LRP1B: variants seen among roughly 807,000 people sequenced by gnomAD.
LRP1B encodes the protein LDL receptor related protein 1B, also known as low-density lipoprotein receptor-related protein 1B.
LRP1B carries 217 observed loss-of-function variants against 556.6 expected under a neutral mutation model. The ratio of observed to expected loss-of-function variants is 0.39; its 90% CI spans 0.35 to 0.44. LRP1B has a LOEUF of 0.44. Among genes scored for constraint, LRP1B ranks in the 20% least tolerant of loss-of-function variants. LRP1B has a pLI of 1.00. For missense variants in LRP1B, 5,053 were observed against 5,620.8 expected, an observed-to-expected ratio of 0.90 and a Z score of 3.23; for synonymous variants, 2,047 against 1,865.8, an observed-to-expected ratio of 1.10 and a Z score of -2.50.
chr2:141,889,891 G>A (rs1454734962), intron 1 of LRP1B, among the ~76,000 whole-genome samples: 2 of 152,006 alleles, frequency 1.3e-5, no homozygotes, highest in East Asian at 3.9e-4. Context: ...AGATTTCTTT[G>A]TTTCATCTCT....
intron 84 of LRP1B, among the ~76,000 whole-genome samples, chr2:140,282,435 T>C (rs1682955701): frequency 6.6e-6 from 1 of 151,782 alleles, no homozygotes. Flanking sequence ...CAAATCCAAA[T>C]AGGCCTAACT....
chr2:141,729,306 C>T (rs906651), intron 2 of LRP1B, among the ~76,000 whole-genome samples: 100,947 of 144,918 alleles, frequency 0.7, 33,830 homozygotes, highest in Non-Finnish European at 0.73. Context: ...CTATGCTATT[C>T]TTTTTTTTTA....
intron 84 of LRP1B, among the ~76,000 whole-genome samples, chr2:140,288,426 T>C (rs1184381972): frequency 6.6e-6 from 1 of 151,822 alleles, no homozygotes; most frequent in Non-Finnish European, 1.5e-5. Context: ...TTTCAAAGCA[T>C]GTTTAGTAGT....
At chr2:141,793,454 G>T (rs1695689079) in intron 2 of LRP1B, among the ~76,000 whole-genome samples, 1 of 151,790 alleles carries the variant, frequency 6.6e-6, no homozygotes, top group South Asian at 2.1e-4. Flanking sequence ...AGATTTATCT[G>T]GTCCCAGGTT....
chr2:140,265,484 A>G (rs1217643398), intron 86 of LRP1B, among the ~76,000 whole-genome samples: 8 of 152,100 alleles, frequency 5.3e-5, no homozygotes, highest in Non-Finnish European at 1.2e-4. Context: ...GAACAAATTT[A>G]TTCCTTAAAT....
Position 140,867,706 on chromosome 2 carries a change from C to T in LRP1B, c.4463G>A (p.Arg1488Lys). Reference sequence around the variant, plus strand: ...ATTGGCTTTGGACAATGTGTTGGTCCTCCAGTCTGTCCAGTAGACTTCACT... The same window carrying T: ...ATTGGCTTTGGACAATGTGTTGGTCTTCCAGTCTGTCCAGTAGACTTCACT... ...YGSEVYWTDW[R>K]TNTLSKANKW... Residue 1488 changes from arginine to lysine, a missense_variant, in exon 27 of 91, where the codon AGG (arginine) becomes AAG (lysine). Coordinates refer to ENST00000389484, the MANE Select transcript of LRP1B (RefSeq NM_018557.3). 1.2e-6 allele frequency: 2 copies of T among 1,613,430 alleles called. No homozygotes were observed. Among genetic ancestry groups the T allele is most frequent in the Non-Finnish European group, 1.7e-6 (2 of 1,179,630 alleles).
intron 77 of LRP1B, among the ~76,000 whole-genome samples, chr2:140,344,383 G>A (rs1314028700): frequency 6.6e-6 from 1 of 151,764 alleles, no homozygotes; most frequent in Non-Finnish European, 1.5e-5. Context: ...GACATACCTT[G>A]AAGGTGTATT....
intron 82 of LRP1B, among the ~76,000 whole-genome samples, chr2:140,321,491 G>GTATTGTAAGTCCCAC (rs1680125555): frequency 6.6e-6 from 1 of 151,784 alleles, no homozygotes; most frequent in South Asian, 2.1e-4. Context: ...AGTAGTAGTA[G>GTATTGTAAGTCCCAC]TATTGTAAGT....
At position 141,487,144 on chromosome 2, in the gene LRP1B, T is replaced by C. The variant is rs577987086; in HGVS notation, c.206-6611A>G. Among the ~76,000 whole-genome samples the C allele has an allele frequency of 5.6e-4, 86 of 152,282 alleles. No homozygotes were observed. The Middle Eastern group carries it at 0.014, about 24-fold the overall frequency. On this transcript the variant is annotated intron_variant, in intron 2 of 90. Transcript: ENST00000389484. The stretch of plus-strand genomic sequence containing the variant: ...CTCCACCTTTTGCCTGGGAAACACA[T>C]GATTATCCTTTAACTATATACTGTC...
chr2:141,539,583 T>C (rs1010302814), intron 2 of LRP1B, among the ~76,000 whole-genome samples: 7 of 152,168 alleles, frequency 4.6e-5, no homozygotes, highest in African/African-American at 1.7e-4. Context: ...TTCCAGCTCA[T>C]AATTCAAGGA....
chr2:140,513,368 G>A (rs1689746344), intron 51 of LRP1B, among the ~76,000 whole-genome samples: 1 of 152,006 alleles, frequency 6.6e-6, no homozygotes, highest in Non-Finnish European at 1.5e-5. Flanking sequence ...TTTAACAAAA[G>A]TCAAAAGTAA....
rs200998000 is a variant in LRP1B, at chr2:140,514,792, A to T, written c.8150-20T>A. On this transcript the variant is annotated intron_variant, in intron 50 of 90. Transcript: ENST00000389484. ...AAGAATCTAGGAAACAAACAAAAGG[A>T]AAAAAAAAAATAGTTTGAGACCGTC... 2 of 880,892 alleles carry T rather than the reference A, an allele frequency of 2.3e-6. No individual in the cohort carries two copies. The highest frequency in any genetic ancestry group is 4.7e-5 in the African/African-American group (2 of 42,426). The allele number at this position is 880,892 out of a possible 1,614,324, so 54.6% of individuals were successfully genotyped here.
chr2:140,703,830 G>A (rs1203582137), intron 37 of LRP1B, among the ~76,000 whole-genome samples: 1 of 152,100 alleles, frequency 6.6e-6, no homozygotes, highest in Non-Finnish European at 1.5e-5. Context: ...CAGCCATGTT[G>A]CTGCAAAAGG....
chr2:140,870,095 C>T (rs1693079330), intron 25 of LRP1B, among the ~76,000 whole-genome samples: 2 of 151,462 alleles, frequency 1.3e-5, no homozygotes, highest in Admixed American at 6.6e-5. Context: ...TCTGAAAACC[C>T]CTCCCTTGGA....
At chr2:141,012,720 G>A (rs1356035023) in intron 14 of LRP1B, among the ~76,000 whole-genome samples, 2 of 151,936 alleles carry the variant, frequency 1.3e-5, no homozygotes, top group African/African-American at 2.4e-5. Context: ...CTTTAGGATC[G>A]TTGTTTTAGC....
intron 1 of LRP1B, among the ~76,000 whole-genome samples, chr2:141,864,255 T>G (rs1698335896): frequency 6.6e-6 from 1 of 152,232 alleles, no homozygotes; most frequent in Admixed American, 6.5e-5. Flanking sequence ...TAAAATAGGT[T>G]TTTGAGATTA....
intron 2 of LRP1B, among the ~76,000 whole-genome samples, chr2:141,485,960 A>G (rs1421071125): frequency 6.6e-6 from 1 of 152,096 alleles, no homozygotes. Flanking sequence ...AGGAGTTGGG[A>G]GGGACCTGGG....
At position 140,860,507 on chromosome 2, in the gene LRP1B, T is replaced by C. The variant is rs573029500; in HGVS notation, c.4579+7083A>G. ...AACTAAAATGTTCCTGCAAAAATAG[T>C]ACTATTTTTATCAACAAACATTTAA... On this transcript the variant is annotated intron_variant, in intron 27 of 90. Transcript: ENST00000389484. Among the ~76,000 whole-genome samples the C allele has an allele frequency of 3.3e-5, 5 of 152,318 alleles. No individual in the cohort carries two copies. The East Asian group carries it at 9.7e-4, about 29-fold the overall frequency.
intron 1 of LRP1B, among the ~76,000 whole-genome samples, chr2:142,001,156 T>C (rs1453013036): frequency 6.6e-6 from 1 of 152,174 alleles, no homozygotes; most frequent in Non-Finnish European, 1.5e-5. Context: ...GAACTGCAAG[T>C]CCATTAAACC....
Sources: gnomAD v4.1 joint callset for allele counts (sites outside exome capture counted in the v4.1 genomes callset) on GRCh38, gnomAD v4.1.1 for gene constraint, MANE v1.5 for transcripts, NCBI Gene and HGNC (gene_info 2026-07-23, HGNC 2026-07-21) for gene names.